FZR1: variants seen among roughly 807,000 people sequenced by gnomAD.
FZR1 encodes the protein fizzy and cell division cycle 20 related 1.
In FZR1, 11 loss-of-function variants were observed where a neutral mutation model predicts 63.6. The observed-to-expected ratio is 0.17, with a 90% CI of 0.11 to 0.29. The LOEUF (loss-of-function observed/expected upper bound fraction) is 0.29, where lower values mean the gene tolerates loss of function less well. Among genes scored for constraint, FZR1 ranks in the 10% least tolerant of loss-of-function variants. The pLI is 1.00. For synonymous variants in FZR1, 328 were observed against 297.9 expected, an observed-to-expected ratio of 1.10 and a Z score of -1.04; for missense variants, 440 against 687.5, an observed-to-expected ratio of 0.64 and a Z score of 4.03.
At position 3,536,228 on chromosome 19, in the gene FZR1, A is replaced by G. The variant is rs2029959543; in HGVS notation, c.*1392A>G. 1 of 152,202 alleles carries G rather than the reference A, an allele frequency of 6.6e-6. No individual in the cohort carries two copies. Among genetic ancestry groups the G allele is most frequent in the Non-Finnish European group, 1.5e-5 (1 of 68,080 alleles). The allele number at this position is 152,202 out of a possible 1,614,324, so 9.4% of individuals were successfully genotyped here. A position where few individuals can be genotyped will look rare whatever the true frequency, so the allele number is the denominator to read the frequency against. ...GTGTTTTTGTTGACTAGTCCTGGAA[A>G]TGTTTGAGGCTAGACGGGGAGGGGC... On this transcript the variant is annotated 3_prime_UTR_variant, in exon 14 of 14. Transcript: ENST00000441788.
At chr19:3,534,400 G>A in intron 12 of FZR1, 21 bp from the exon 13 acceptor site, 3 of 1,407,462 alleles carry the variant, frequency 2.1e-6, no homozygotes, top group Non-Finnish European at 3.0e-6. Context: ...GAGACATGGG[G>A]TGCTTCCCTC....
At chr19:3,518,411 G>A (rs1024938505) in intron 1 of FZR1, among the ~76,000 whole-genome samples, 1 of 152,178 alleles carries the variant, frequency 6.6e-6, no homozygotes, top group Non-Finnish European at 1.5e-5. Context: ...TTTTTCCATT[G>A]TTGGAGAAGG....
intron 1 of FZR1, among the ~76,000 whole-genome samples, chr19:3,507,826 CAG>C (rs1491529711): frequency 6.6e-6 from 1 of 152,238 alleles, no homozygotes; most frequent in Non-Finnish European, 1.5e-5. Flanking sequence ...CCTCCTGTGT[CAG>C]GGGCCCGTGT....
intron 1 of FZR1, among the ~76,000 whole-genome samples, chr19:3,511,359 G>A (rs1414756987): frequency 6.6e-6 from 1 of 152,206 alleles, no homozygotes; most frequent in African/African-American, 2.4e-5. Flanking sequence ...GCTGCTGGCC[G>A]AGTAGACCCT....
intron 7 of FZR1, 63 bp downstream of exon 7, chr19:3,527,877 G>A: frequency 7.6e-7 from 1 of 1,313,706 alleles, no homozygotes; most frequent in Non-Finnish European, 1.1e-6. Context: ...AGACCTCAAT[G>A]TACCCACCGG....
intron 1 of FZR1, among the ~76,000 whole-genome samples, chr19:3,512,221 A>G (rs1342249098): frequency 3.9e-5 from 6 of 152,134 alleles, no homozygotes; most frequent in African/African-American, 4.8e-5. Context: ...TACCCCTGTC[A>G]TGAGTCCCGG....
chr19:3,515,437 G>GT lies in FZR1; in HGVS notation c.-34-7512dup, dbSNP rs143141432. ...CCTGGCCCATCTCTGACCGTGGTTT[G>GT]TTTTTTTGAATACCTCACAGTTCAC... On this transcript the variant is annotated intron_variant, in intron 1 of 13. Transcript: ENST00000441788. The surrounding 1 kb of genome is among the most constrained non-coding windows in gnomAD (Gnocchi z 4.6). Among the ~76,000 whole-genome samples, 8,200 of 152,150 alleles carry GT rather than the reference G, an allele frequency of 0.054. 660 individuals carry two copies. Among genetic ancestry groups the GT allele is most frequent in the African/African-American group, 0.17 (7,147 of 41,444 alleles).
chr19:3,530,719 G>T, intron 7 of FZR1, 73 bp from the exon 8 acceptor site: 1 of 1,089,152 alleles, frequency 9.2e-7, no homozygotes. Flanking sequence ...AGACAGTGGA[G>T]GGATGAATGT....
At chr19:3,534,594 G>C (rs943964109) in intron 13 of FZR1, 81 bp downstream of exon 13, 1 of 1,014,792 alleles carries the variant, frequency 9.9e-7, no homozygotes, top group Non-Finnish European at 1.5e-6. Context: ...GTCCTCGGGC[G>C]TACCCTCCTC....
chr19:3,524,289 C>T (rs1015588058), intron 2 of FZR1, among the ~76,000 whole-genome samples: 5 of 152,194 alleles, frequency 3.3e-5, no homozygotes, highest in African/African-American at 1.2e-4. Context: ...CCAGCACCCT[C>T]CATCCAGTGC....
At chr19:3,520,072 C>T (rs930051757) in intron 1 of FZR1, among the ~76,000 whole-genome samples, 1 of 152,236 alleles carries the variant, frequency 6.6e-6, no homozygotes, top group Non-Finnish European at 1.5e-5. Flanking sequence ...TCTATAGACC[C>T]TCTGGCTCCA....
At position 3,533,590 on chromosome 19, in the gene FZR1, A is replaced by G. The variant is rs2083269012; in HGVS notation, c.1347+192A>G. ...CCAGCGTTGGAATGGGCTCTACCGA[A>G]CTCCCCAGCCCTGCAGGTGCAGGCC... On this transcript the variant is annotated intron_variant, in intron 12 of 13. Transcript: ENST00000441788. The surrounding 1 kb of genome is among the most constrained non-coding windows in gnomAD (Gnocchi z 4.9). The G allele has an allele frequency of 8.7e-6, 5 of 576,172 alleles. No homozygotes were observed. The highest frequency in any genetic ancestry group is 1.6e-5 in the Non-Finnish European group (5 of 321,156). 35.7% of individuals were successfully genotyped at this position (576,172 alleles called of 1,614,324 possible).
intron 1 of FZR1, among the ~76,000 whole-genome samples, chr19:3,507,315 C>T (rs778808615): frequency 1.3e-4 from 19 of 151,972 alleles, no homozygotes; most frequent in Non-Finnish European, 2.1e-4. Flanking sequence ...ATCTCGGATC[C>T]CCAGAATATG....
Position 3,533,221 on chromosome 19 carries a change from G to A in FZR1, c.1243-73G>A. ...AGCTCTCACATGGGCTCAGGCGGGTGCATGTGAGGCAGCAGGCATAGCACC... is the reference window on the plus strand; with the variant it reads ...AGCTCTCACATGGGCTCAGGCGGGTACATGTGAGGCAGCAGGCATAGCACC... On this transcript the variant is annotated intron_variant, in intron 11 of 13. Coordinates refer to ENST00000441788, the MANE Select transcript of FZR1 (RefSeq NM_016263.4). The surrounding 1 kb of genome is among the most constrained non-coding windows in gnomAD (Gnocchi z 4.9). The A allele has an allele frequency of 6.7e-6, 6 of 899,676 alleles. No individual in the cohort carries two copies. The highest frequency in any genetic ancestry group is 6.7e-5 in the South Asian group (5 of 75,092). 55.7% of individuals were successfully genotyped at this position (899,676 alleles called of 1,614,324 possible).
chr19:3,519,198 C>G (rs1274735395), intron 1 of FZR1, among the ~76,000 whole-genome samples: 1 of 152,244 alleles, frequency 6.6e-6, no homozygotes, highest in East Asian at 1.9e-4. Context: ...CCGTCCACAC[C>G]TGCCACCCTC....
intron 1 of FZR1, among the ~76,000 whole-genome samples, chr19:3,520,643 C>T (rs1157637639): frequency 2.6e-5 from 4 of 152,256 alleles, no homozygotes; most frequent in South Asian, 2.1e-4. Context: ...GGACCACATG[C>T]GTCCCTTGAC....
intron 1 of FZR1, among the ~76,000 whole-genome samples, chr19:3,519,852 C>G (rs577076552): frequency 1.1e-4 from 16 of 141,366 alleles, no homozygotes; most frequent in African/African-American, 4.0e-4. Context: ...GTAGATCCCC[C>G]TTCATCTGTG....
In FZR1 at chr19:3,525,859, G is replaced by T; in HGVS notation, c.70-9G>T. The T allele has an allele frequency of 1.2e-6, 2 of 1,610,174 alleles. No homozygotes were observed. The highest frequency in any genetic ancestry group is 8.5e-7 in the Non-Finnish European group (1 of 1,179,840). ...TGCTGAGAGCAAGCCCTCTGCTGAT[G>T]CCCTTCAGGTCACAGAGATGCGGCG... On this transcript the variant is annotated splice_polypyrimidine_tract_variant and intron_variant, in intron 2 of 13. Transcript: ENST00000441788. The surrounding 1 kb of genome is among the most constrained non-coding windows in gnomAD (Gnocchi z 4.2).
chr19:3,535,213 C>T lies in FZR1; in HGVS notation c.*377C>T. ...GAGCCGCATGCTCTTCCTGGAACTGCCCACGTCTGCACAGAACAGACCACC... is the reference window on the plus strand; with the variant it reads ...GAGCCGCATGCTCTTCCTGGAACTGTCCACGTCTGCACAGAACAGACCACC... On this transcript the variant is annotated 3_prime_UTR_variant, in exon 14 of 14. Coordinates refer to ENST00000441788, the MANE Select transcript of FZR1 (RefSeq NM_016263.4). 1 of 328,178 alleles carries T rather than the reference C, an allele frequency of 3.0e-6. No individual in the cohort carries two copies. The highest frequency in any genetic ancestry group is 2.8e-5 in the South Asian group (1 of 35,528). 20.3% of individuals were successfully genotyped at this position (328,178 alleles called of 1,614,324 possible).
Sources: allele counts gnomAD v4.1 joint callset (sites outside exome capture counted in the v4.1 genomes callset), GRCh38; gene constraint gnomAD v4.1.1; non-coding constraint Gnocchi (gnomAD v3.1); transcripts MANE v1.5; gene names NCBI Gene and HGNC (gene_info 2026-07-23, HGNC 2026-07-21).